Variants in SEMA5A observed in about 807,000 individuals in gnomAD.
The protein encoded by SEMA5A is semaphorin 5A.
SEMA5A carries 55 observed loss-of-function variants against 135.5 expected under a neutral mutation model. The observed-to-expected ratio is 0.41, with a 90% CI of 0.33 to 0.51. The LOEUF (loss-of-function observed/expected upper bound fraction) is 0.51. Among genes scored for constraint, SEMA5A ranks in the 20% least tolerant of loss-of-function variants. The pLI is 0.37. For missense variants in SEMA5A, 1,290 were observed against 1,419.9 expected (o/e 0.91, Z 1.47); for synonymous variants, 580 against 546.5 (o/e 1.06, Z -0.85).
rs557844462 is a variant in SEMA5A, at chr5:9,116,321, C to T, written c.1925+2677G>A. Among the ~76,000 whole-genome samples, 5 of 152,324 alleles carry T rather than the reference C, an allele frequency of 3.3e-5. No individual in the cohort carries two copies. In the South Asian group the frequency reaches 1.0e-3, roughly 32 times the overall value. On this transcript the variant is annotated intron_variant, in intron 15 of 22. Coordinates refer to ENST00000382496, the MANE Select transcript of SEMA5A (RefSeq NM_003966.3). Reference sequence around the variant, plus strand: ...AAACTAGCACAGATAATAACATTTGCATCTTGATAATATTTGCAGACGTCC... The same window carrying T: ...AAACTAGCACAGATAATAACATTTGTATCTTGATAATATTTGCAGACGTCC...
chr5:9,204,132 T>C lies in SEMA5A; in HGVS notation c.647-1892A>G, dbSNP rs1471556209. 2.0e-5 allele frequency among the ~76,000 whole-genome samples: 3 copies of C among 152,182 alleles called. No individual in the cohort carries two copies. The highest frequency in any genetic ancestry group is 4.4e-5 in the Non-Finnish European group (3 of 68,044). Reference sequence around the variant, plus strand: ...TAATTCTAAATAAGAGTCTAAATTATTTTGGAATGGGTCCTGCACCCTGGC... The same window carrying C: ...TAATTCTAAATAAGAGTCTAAATTACTTTGGAATGGGTCCTGCACCCTGGC... On this transcript the variant is annotated intron_variant, in intron 8 of 22. Transcript: ENST00000382496. The surrounding 1 kb of genome is among the most constrained non-coding windows in gnomAD (Gnocchi z 6.4).
At chr5:9,398,393 A>G (rs1756493950) in intron 2 of SEMA5A, among the ~76,000 whole-genome samples, 1 of 152,232 alleles carries the variant, frequency 6.6e-6, no homozygotes, top group African/African-American at 2.4e-5. Flanking sequence ...CACATATCGT[A>G]CTGAAGATAA....
At chr5:9,173,275 C>A (rs1407392319) in intron 11 of SEMA5A, among the ~76,000 whole-genome samples, 1 of 136,202 alleles carries the variant, frequency 7.3e-6, no homozygotes, top group African/African-American at 2.8e-5. Flanking sequence ...GTTTTCTTCA[C>A]CCGGTTTTTT....
At chr5:9,255,735 G>C (rs977069177) in intron 5 of SEMA5A, among the ~76,000 whole-genome samples, 6 of 152,092 alleles carry the variant, frequency 3.9e-5, no homozygotes, top group Non-Finnish European at 8.8e-5. Flanking sequence ...ATATTACCTT[G>C]TTTTATGACA....
At chr5:9,206,313 C>T (rs949941675) in intron 8 of SEMA5A, among the ~76,000 whole-genome samples, 10 of 151,804 alleles carry the variant, frequency 6.6e-5, no homozygotes, top group Non-Finnish European at 1.3e-4. Context: ...TATGTATTAC[C>T]GTGTTGTACA....
Position 9,207,112 on chromosome 5 carries a change from A to ATATATATATATG in SEMA5A, c.647-4873_647-4872insCATATATATATA, listed in dbSNP as rs1554003346. Among the ~76,000 whole-genome samples the ATATATATATATG allele has an allele frequency of 2.4e-3, 200 of 84,790 alleles. 2 individuals carry two copies. The highest frequency in any genetic ancestry group is 0.015 in the Middle Eastern group (3 of 194). The allele number at this position is 84,790 out of a possible 152,430, so 55.6% of individuals were successfully genotyped here. ...AATGAATGATCAAGTGTATATATAT[A>ATATATATATATG]TATATATATATATATATATATAAAG... On this transcript the variant is annotated intron_variant, in intron 8 of 22. Transcript: ENST00000382496.
intron 21 of SEMA5A, among the ~76,000 whole-genome samples, chr5:9,048,257 T>C (rs919188218): frequency 5.3e-5 from 8 of 152,198 alleles, no homozygotes; most frequent in African/African-American, 1.9e-4. Context: ...TACGGTGCTT[T>C]GGGTTCAAAA....
intron 5 of SEMA5A, among the ~76,000 whole-genome samples, chr5:9,315,724 A>G (rs1752359639): frequency 6.6e-6 from 1 of 152,160 alleles, no homozygotes; most frequent in Admixed American, 6.6e-5. Context: ...CTGAAATATC[A>G]AGGACATCTT....
Position 9,190,298 on chromosome 5 carries a change from T to C in SEMA5A, c.1242A>G (p.Glu414=). ...HVAVDVVQGR[E]ALVHIIYLAT... is the part of the protein sequence containing the mutation. ...CCAAATAGATGATGTGGACGAGCGC[T>C]TCTCTGCCCTGCACCACGTCGACTG... Residue 414 remains glutamate, a synonymous_variant, in exon 11 of 23, where the codon GAA becomes GAG. Transcript: ENST00000382496. 1 of 1,614,094 alleles carries C rather than the reference T, an allele frequency of 6.2e-7. No homozygotes were observed. Among genetic ancestry groups the C allele is most frequent in the Non-Finnish European group, 8.5e-7 (1 of 1,180,008 alleles).
intron 5 of SEMA5A, among the ~76,000 whole-genome samples, chr5:9,305,300 A>G (rs2150624855): frequency 6.6e-6 from 1 of 152,284 alleles, no homozygotes; most frequent in East Asian, 1.9e-4. Context: ...AAAATAATCT[A>G]TGAAGCCTTT....
intron 8 of SEMA5A, among the ~76,000 whole-genome samples, chr5:9,207,405 G>A (rs1028187250): frequency 6.6e-6 from 1 of 151,982 alleles, no homozygotes; most frequent in Non-Finnish European, 1.5e-5. Flanking sequence ...GACTGGTCTT[G>A]AACTCCCAAC....
chr5:9,495,598 G>C (rs1326688803), intron 1 of SEMA5A, among the ~76,000 whole-genome samples: 1 of 152,146 alleles, frequency 6.6e-6, no homozygotes, highest in Non-Finnish European at 1.5e-5. Flanking sequence ...TTACATCATT[G>C]AATAACCAGC....
chr5:9,439,335 G>A (rs535055725), intron 1 of SEMA5A, among the ~76,000 whole-genome samples: 4 of 152,136 alleles, frequency 2.6e-5, no homozygotes, highest in Non-Finnish European at 5.9e-5. Flanking sequence ...TTTATTAAAT[G>A]GCATGTTTGA....
intron 1 of SEMA5A, among the ~76,000 whole-genome samples, chr5:9,530,118 G>A (rs1000781310): frequency 6.6e-6 from 1 of 152,190 alleles, no homozygotes; most frequent in Non-Finnish European, 1.5e-5. Context: ...AACTCTTGCC[G>A]CTCTGACTCT....
chr5:9,509,039 C>T (rs374658597), intron 1 of SEMA5A, among the ~76,000 whole-genome samples: 1 of 151,964 alleles, frequency 6.6e-6, no homozygotes, highest in Non-Finnish European at 1.5e-5. Context: ...ACATAATCTG[C>T]AAGCACTGAG....
At chr5:9,304,736 C>T (rs1751778224) in intron 5 of SEMA5A, among the ~76,000 whole-genome samples, 1 of 152,130 alleles carries the variant, frequency 6.6e-6, no homozygotes, top group Non-Finnish European at 1.5e-5. Flanking sequence ...GCTCCCTCCC[C>T]CACTTTCTCA....
intron 13 of SEMA5A, 50 bp downstream of exon 13, chr5:9,136,454 A>T (rs1439371885): frequency 6.9e-7 from 1 of 1,444,618 alleles, no homozygotes; most frequent in Non-Finnish European, 9.8e-7. Flanking sequence ...CCAGGGGAGC[A>T]TGGCTCCCAT....
chr5:9,337,278 G>A (rs914672206), intron 4 of SEMA5A, among the ~76,000 whole-genome samples: 1 of 152,210 alleles, frequency 6.6e-6, no homozygotes, highest in African/African-American at 2.4e-5. Context: ...GAATCCTACT[G>A]AAGAATATAG....
intron 16 of SEMA5A, among the ~76,000 whole-genome samples, chr5:9,088,903 A>T (rs1314382271): frequency 6.6e-6 from 1 of 152,104 alleles, no homozygotes; most frequent in Non-Finnish European, 1.5e-5. Flanking sequence ...CGTGGCCTGT[A>T]TACTAGCCAC....
Sources: allele counts gnomAD v4.1 joint callset (sites outside exome capture counted in the v4.1 genomes callset), GRCh38; gene constraint gnomAD v4.1.1; non-coding constraint Gnocchi (gnomAD v3.1); transcripts MANE v1.5; gene names NCBI Gene and HGNC (gene_info 2026-07-23, HGNC 2026-07-21).